Variants in RASA3 observed in about 807,000 individuals in gnomAD.
RASA3 encodes the protein ras GTPase-activating protein 3.
Under a neutral mutation model 110.0 loss-of-function variants are expected in RASA3, and 73 were observed. That is an observed-to-expected ratio of 0.66 (90% CI 0.55 to 0.81). RASA3 has a LOEUF of 0.81. Among genes scored for constraint, RASA3 ranks in the 30% least tolerant of loss-of-function variants. RASA3 has a pLI of 0.00. For missense variants in RASA3, 976 were observed against 1,113.2 expected (o/e 0.88, Z 1.75); for synonymous variants, 500 against 451.4 (o/e 1.11, Z -1.37).
At chr13:114,041,677 G>A (rs565224982) in intron 3 of RASA3, among the ~76,000 whole-genome samples, 4 of 152,370 alleles carry the variant, frequency 2.6e-5, no homozygotes, top group African/African-American at 9.6e-5. Flanking sequence ...GTGTGCCTAG[G>A]GTGCTTTCCG....
intron 7 of RASA3, among the ~76,000 whole-genome samples, chr13:114,025,161 C>A (rs1015533143): frequency 6.6e-6 from 1 of 152,272 alleles, no homozygotes; most frequent in Non-Finnish European, 1.5e-5. Flanking sequence ...GTGATGCTGG[C>A]TCAGGAGCTC....
intron 3 of RASA3, among the ~76,000 whole-genome samples, chr13:114,042,337 C>G (rs1171525724): frequency 6.6e-6 from 1 of 152,268 alleles, no homozygotes; most frequent in East Asian, 1.9e-4. Flanking sequence ...GCAGCACATG[C>G]ACCTCTGTTG....
At chr13:114,019,669 C>T (rs922139576) in intron 9 of RASA3, among the ~76,000 whole-genome samples, 2 of 150,550 alleles carry the variant, frequency 1.3e-5, no homozygotes, top group Non-Finnish European at 3.0e-5. Flanking sequence ...ATTAGATCCC[C>T]CCTCAGATGG....
At chr13:114,045,630 C>CA (rs954010713) in intron 3 of RASA3, among the ~76,000 whole-genome samples, 160 of 151,328 alleles carry the variant, frequency 1.1e-3, no homozygotes, top group Non-Finnish European at 1.6e-3. Flanking sequence ...ATAGAATGTA[C>CA]AAAAAAAAAT....
At chr13:114,001,073 G>A (rs1201348691) in intron 18 of RASA3, 141 bp from the exon 19 acceptor site, 4 of 637,162 alleles carry the variant, frequency 6.3e-6, no homozygotes, top group African/African-American at 5.5e-5. Context: ...TACTCCGAGT[G>A]ATGAGATTAA....
At chr13:114,077,979 A>T in intron 1 of RASA3, 1 of 983,344 alleles carries the variant, frequency 1.0e-6, no homozygotes, top group Non-Finnish European at 1.2e-6. Context: ...ACTGTTAATA[A>T]AGCATTGAAA....
At position 114,013,924 on chromosome 13, in the gene RASA3, GTC is replaced by G. The variant is rs371885066; in HGVS notation, c.1406-678_1406-677del. ...TCTCTTTCTCTGTCTCTCTCTCTCC[GTC>G]TCTCTCTCCCTGTCTCTATCTCTCT... On this transcript the variant is annotated intron_variant, in intron 14 of 23. Coordinates refer to ENST00000334062, the MANE Select transcript of RASA3 (RefSeq NM_007368.4). Among the ~76,000 whole-genome samples the G allele has an allele frequency of 5.6e-4, 51 of 90,624 alleles. 2 individuals carry two copies. The South Asian group carries it at 8.6e-3, about 15-fold the overall frequency. 59.5% of individuals were successfully genotyped at this position (90,624 alleles called of 152,430 possible).
At chr13:113,991,448 A>G (rs2053111137) in intron 22 of RASA3, among the ~76,000 whole-genome samples, 1 of 152,190 alleles carries the variant, frequency 6.6e-6, no homozygotes, top group Non-Finnish European at 1.5e-5. Context: ...AGTGGGACTC[A>G]AGGGCCCTGT....
chr13:114,116,434 C>A (rs1401910300), intron 1 of RASA3, among the ~76,000 whole-genome samples: 1 of 151,942 alleles, frequency 6.6e-6, no homozygotes, highest in Non-Finnish European at 1.5e-5. Context: ...GACCGCTGTT[C>A]CAAGCCACTG....
chr13:113,981,832 C>T lies in RASA3; in HGVS notation c.2272G>A (p.Asp758Asn). 1 of 1,613,882 alleles carries T rather than the reference C, an allele frequency of 6.2e-7. No homozygotes were observed. The highest frequency in any genetic ancestry group is 8.5e-7 in the Non-Finnish European group (1 of 1,179,944). Residue 758 changes from aspartate to asparagine, a missense_variant, in exon 23 of 24, where the codon GAC becomes AAC. This residue lies in a region of RASA3 where 132 missense variants were observed against 152.8 expected (regional missense o/e 0.86). Transcript: ENST00000334062. Reference protein sequence around the residue: ...QEACGSKSVYDGPEQEEYSTF... With the variant: ...QEACGSKSVYNGPEQEEYSTF... ...GAATACTCCTCCTGCTCCGGGCCGT[C>T]ATACACAGATTTGCTCCCACAGGCC...
intron 1 of RASA3, among the ~76,000 whole-genome samples, chr13:114,103,247 C>T (rs1354353381): frequency 6.6e-6 from 1 of 152,104 alleles, no homozygotes; most frequent in African/African-American, 2.4e-5. Context: ...GTACCTGGCC[C>T]AAGTCGGGAG....
intron 6 of RASA3, among the ~76,000 whole-genome samples, 163 bp from the exon 7 acceptor site, chr13:114,027,624 C>T (rs562054519): frequency 6.6e-6 from 1 of 152,298 alleles, no homozygotes; most frequent in South Asian, 2.1e-4. Context: ...AAATCAGGAA[C>T]CTTTACTCAG....
Position 113,980,124 on chromosome 13 carries a change from CCT to C in RASA3, c.2430-704_2430-703del, listed in dbSNP as rs201102963. On this transcript the variant is annotated intron_variant, in intron 23 of 23. Coordinates refer to ENST00000334062, the MANE Select transcript of RASA3 (RefSeq NM_007368.4). ...GCACCCCTCTCGCATGTGTGCACCT[CCT>C]CTGTGTGTACCTCCTGCCACGTGTG... is the stretch of plus-strand genomic sequence containing the variant. 3.8e-3 allele frequency among the ~76,000 whole-genome samples: 570 copies of C among 148,302 alleles called. 2 individuals are homozygous for C. Among genetic ancestry groups the C allele is most frequent in the Admixed American group, 4.5e-3 (67 of 14,980 alleles).
rs953008561 is a variant in RASA3, at chr13:114,018,058, G to A, written c.1091+46C>T. 5 of 1,450,334 alleles carry A rather than the reference G, an allele frequency of 3.4e-6. No homozygotes were observed. In the African/African-American group the frequency reaches 7.2e-5, roughly 21 times the overall value. 89.8% of individuals were successfully genotyped at this position (1,450,334 alleles called of 1,614,324 possible). A position where few individuals can be genotyped will look rare whatever the true frequency, so the allele number is the denominator to read the frequency against. ...TCTCGGCGACGACCTTGCCATCCCT[G>A]TAGCGGGTCCAGGCCGCTCTCCCCC... On this transcript the variant is annotated intron_variant, in intron 11 of 23. Coordinates refer to ENST00000334062, the MANE Select transcript of RASA3 (RefSeq NM_007368.4).
intron 1 of RASA3, among the ~76,000 whole-genome samples, chr13:114,106,575 C>G (rs146698844): frequency 6.6e-5 from 10 of 152,106 alleles, no homozygotes; most frequent in Non-Finnish European, 1.3e-4. Context: ...AATAAATGCC[C>G]ATTTTACTTA....
intron 1 of RASA3, among the ~76,000 whole-genome samples, chr13:114,095,554 A>G (rs1353942587): frequency 6.6e-6 from 1 of 152,144 alleles, no homozygotes; most frequent in Non-Finnish European, 1.5e-5. Flanking sequence ...TCCATGCTGT[A>G]GTCTCAGGGC....
At chr13:114,031,542 ATGTG>A (rs35668866) in intron 4 of RASA3, among the ~76,000 whole-genome samples, 5 of 150,546 alleles carry the variant, frequency 3.3e-5, no homozygotes, top group African/African-American at 7.3e-5. Context: ...CCACCTGTGT[ATGTG>A]TGTTTGTCCG....
At chr13:114,070,705 G>T (rs113111753) in intron 2 of RASA3, among the ~76,000 whole-genome samples, 118 of 138,070 alleles carry the variant, frequency 8.5e-4, no homozygotes, top group Middle Eastern at 4.0e-3. Context: ...GCTAAACGGC[G>T]CCACAGTCTT....
At chr13:114,032,023 G>A (rs1217215823) in intron 4 of RASA3, among the ~76,000 whole-genome samples, 1 of 152,194 alleles carries the variant, frequency 6.6e-6, no homozygotes. Flanking sequence ...AGCCAGCCTT[G>A]AGTGGTAAAT....
Sources: allele counts gnomAD v4.1 joint callset (sites outside exome capture counted in the v4.1 genomes callset), GRCh38; gene constraint gnomAD v4.1.1; regional missense constraint gnomAD v4.1.1; transcripts MANE v1.5; gene names NCBI Gene and HGNC (gene_info 2026-07-23, HGNC 2026-07-21).